The following HS2ST1 variants were observed in gnomAD, a reference collection of about 807,000 sequenced individuals.
HS2ST1 encodes the protein heparan sulfate 2-O-sulfotransferase 1.
A neutral mutation model predicts 42.9 loss-of-function variants in HS2ST1; 18 were observed. That is an observed-to-expected ratio of 0.42 (90% CI 0.29 to 0.62). The LOEUF (loss-of-function observed/expected upper bound fraction) is 0.62, where lower values mean the gene tolerates loss of function less well. Among genes scored for constraint, HS2ST1 ranks in the 20% least tolerant of loss-of-function variants. The pLI is 0.21. For missense variants in HS2ST1, 334 were observed against 433.8 expected, an observed-to-expected ratio of 0.77 and a Z score of 2.04; for synonymous variants, 146 against 152.9, an observed-to-expected ratio of 0.95 and a Z score of 0.33.
At chr1:86,993,252 A>G in intron 1 of HS2ST1, 1 of 1,195,946 alleles carries the variant, frequency 8.4e-7, no homozygotes, top group South Asian at 1.7e-5. Context: ...GAAATCTAAA[A>G]ACTGATAATA....
chr1:86,916,028 A>G (rs1174122220), intron 1 of HS2ST1, among the ~76,000 whole-genome samples: 1 of 152,220 alleles, frequency 6.6e-6, no homozygotes, highest in African/African-American at 2.4e-5. Context: ...AGGTGCTTTA[A>G]TGGATGAGGG....
At chr1:86,936,004 T>G (rs1446743803) in intron 1 of HS2ST1, among the ~76,000 whole-genome samples, 1 of 152,084 alleles carries the variant, frequency 6.6e-6, no homozygotes, top group Non-Finnish European at 1.5e-5. Context: ...TAGACCTTAT[T>G]TAGATTTTAC....
intron 1 of HS2ST1, chr1:87,045,384 G>A (rs1400233013): frequency 2.7e-6 from 4 of 1,458,816 alleles, no homozygotes; most frequent in Admixed American, 1.7e-5. Flanking sequence ...GAAGATATTA[G>A]GATTGTTCCT....
intron 3 of HS2ST1, among the ~76,000 whole-genome samples, chr1:87,085,956 A>T (rs1437880773): frequency 6.6e-6 from 1 of 152,168 alleles, no homozygotes; most frequent in Non-Finnish European, 1.5e-5. Context: ...AGTGAGTCTT[A>T]TGTTATTTGA....
chr1:86,930,205 A>C (rs765887913), intron 1 of HS2ST1, among the ~76,000 whole-genome samples: 13 of 151,996 alleles, frequency 8.6e-5, no homozygotes, highest in Admixed American at 4.6e-4. Flanking sequence ...CAATTTGAAG[A>C]GTAGAGCAGT....
intron 1 of HS2ST1, among the ~76,000 whole-genome samples, chr1:87,008,304 C>T (rs1649498665): frequency 6.6e-6 from 1 of 152,146 alleles, no homozygotes; most frequent in South Asian, 2.1e-4. Flanking sequence ...CTTTTCACAA[C>T]TCGTTCTTAG....
At chr1:87,043,836 T>C (rs1453799475) in intron 1 of HS2ST1, among the ~76,000 whole-genome samples, 1 of 152,080 alleles carries the variant, frequency 6.6e-6, no homozygotes, top group Admixed American at 6.5e-5. Flanking sequence ...ATATTTAATA[T>C]TTAGTTGGGT....
At chr1:87,049,832 ATTG>A (rs1650788690) in intron 1 of HS2ST1, among the ~76,000 whole-genome samples, 1 of 152,064 alleles carries the variant, frequency 6.6e-6, no homozygotes, top group African/African-American at 2.4e-5. Context: ...TTTACTATCA[ATTG>A]TTGTGAGCAT....
chr1:87,060,155 G>T (rs1651081823), intron 1 of HS2ST1, among the ~76,000 whole-genome samples: 1 of 152,018 alleles, frequency 6.6e-6, no homozygotes, highest in Admixed American at 6.6e-5. Flanking sequence ...ATATTCACAG[G>T]AAGTTGCAAA....
intron 1 of HS2ST1, among the ~76,000 whole-genome samples, chr1:87,052,835 C>A (rs1650870374): frequency 6.6e-6 from 1 of 152,164 alleles, no homozygotes; most frequent in Non-Finnish European, 1.5e-5. Context: ...TATTCTATAT[C>A]TGTCTTCTTA....
chr1:86,961,045 A>G (rs1206855771), intron 1 of HS2ST1, among the ~76,000 whole-genome samples: 1 of 152,138 alleles, frequency 6.6e-6, no homozygotes, highest in Non-Finnish European at 1.5e-5. Context: ...TTAATGGATA[A>G]ACAAACTGTG....
intron 1 of HS2ST1, among the ~76,000 whole-genome samples, chr1:87,017,279 G>A (rs1649787722): frequency 6.6e-6 from 1 of 152,122 alleles, no homozygotes; most frequent in Non-Finnish European, 1.5e-5. Context: ...TGGGACTACA[G>A]GGATTCACCA....
chr1:87,065,450 T>C (rs573967425), intron 1 of HS2ST1, among the ~76,000 whole-genome samples: 1 of 152,318 alleles, frequency 6.6e-6, no homozygotes, highest in Non-Finnish European at 1.5e-5. Flanking sequence ...TTGCCTTTGA[T>C]CTTTACTTAC....
chr1:86,951,065 A>ACT (rs1384824288), intron 1 of HS2ST1, among the ~76,000 whole-genome samples: 1 of 152,226 alleles, frequency 6.6e-6, no homozygotes, highest in Non-Finnish European at 1.5e-5. Context: ...AATACATCTT[A>ACT]GTAGTTTGTA....
chr1:86,963,407 T>C (rs941736026), intron 1 of HS2ST1, among the ~76,000 whole-genome samples: 1 of 152,116 alleles, frequency 6.6e-6, no homozygotes, highest in Non-Finnish European at 1.5e-5. Flanking sequence ...AAAGCACATC[T>C]TGCACTGCCC....
At chr1:86,987,221 TGCCTGCC>T (rs1452472404) in intron 1 of HS2ST1, among the ~76,000 whole-genome samples, 3 of 151,886 alleles carry the variant, frequency 2.0e-5, no homozygotes, top group Admixed American at 1.3e-4. Flanking sequence ...AGGTGCCCAC[TGCCTGCC>T]GCCACGCCGG....
rs58144911 is a variant in HS2ST1 at position 86,951,890 on chromosome 1, T to G, written c.124+36730T>G. On this transcript the variant is annotated intron_variant, in intron 1 of 6. Coordinates refer to ENST00000370550, the MANE Select transcript of HS2ST1 (RefSeq NM_012262.4). ...AGGCATAGATTTCATCTCAAACCAT[T>G]TTCTTTGCTCGTCCCTAAGAAGCAA... 2.1e-3 allele frequency among the ~76,000 whole-genome samples: 323 copies of G among 152,336 alleles called. 1 individual carries two copies. Among genetic ancestry groups the G allele is most frequent in the African/African-American group, 7.1e-3 (296 of 41,574 alleles).
chr1:87,086,401 A>G (rs1651816388), intron 3 of HS2ST1, among the ~76,000 whole-genome samples: 1 of 152,202 alleles, frequency 6.6e-6, no homozygotes. Context: ...GTGTTGTTCA[A>G]GGGTCAATTG....
chr1:86,994,924 T>C lies in HS2ST1; in HGVS notation c.125-78010T>C, dbSNP rs550227533. On this transcript the variant is annotated intron_variant, in intron 1 of 6. Coordinates refer to ENST00000370550, the MANE Select transcript of HS2ST1 (RefSeq NM_012262.4). ...TGTGAATATTTCAAATTTCAAATCATCCTTTTCTTATGACAAAACTCTTTT... is the reference window on the plus strand; with the variant it reads ...TGTGAATATTTCAAATTTCAAATCACCCTTTTCTTATGACAAAACTCTTTT... 9.7e-4 allele frequency among the ~76,000 whole-genome samples: 147 copies of C among 152,284 alleles called. 1 individual carries two copies. Among genetic ancestry groups the C allele is most frequent in the African/African-American group, 3.3e-3 (139 of 41,574 alleles).
Sources: allele counts gnomAD v4.1 joint callset (sites outside exome capture counted in the v4.1 genomes callset), GRCh38; gene constraint gnomAD v4.1.1; transcripts MANE v1.5; gene names NCBI Gene and HGNC (gene_info 2026-07-23, HGNC 2026-07-21).